The following FAT4 variants were observed in gnomAD, a reference collection of about 807,000 sequenced individuals.
FAT4 encodes FAT atypical cadherin 4.
A neutral mutation model predicts 303.9 loss-of-function variants in FAT4; 84 were observed. The ratio of observed to expected loss-of-function variants is 0.28; its 90% confidence interval spans 0.23 to 0.33. The LOEUF (loss-of-function observed/expected upper bound fraction) is 0.33, where lower values mean the gene tolerates loss of function less well. Among genes scored for constraint, FAT4 ranks in the 10% least tolerant of loss-of-function variants. The pLI, the probability that FAT4 is intolerant of heterozygous loss-of-function variation, is 1.00. For missense variants in FAT4, 6,005 were observed against 6,146.8 expected, an observed-to-expected ratio of 0.98 and a Z score of 0.77; for synonymous variants, 2,307 against 2,298.8, an observed-to-expected ratio of 1.00 and a Z score of -0.10.
Position 125,490,301 on chromosome 4 carries a change from G to A in FAT4, c.13485G>A (p.Gln4495=), listed in dbSNP as rs1177610388. ...CGGGGCATGTCTGTGTTCTGAGTCAGGGCCCTGAAGAGATCTCTCTGCCTT... is the reference window on the plus strand; with the variant it reads ...CGGGGCATGTCTGTGTTCTGAGTCAAGGCCCTGAAGAGATCTCTCTGCCTT... ...SPAGHVCVLS[Q]GPEEISLPLW... Residue 4495 remains glutamine (Q), a synonymous_variant, in exon 18 of 18, where the codon CAG becomes CAA. Coordinates refer to ENST00000394329, the MANE Select transcript of FAT4 (RefSeq NM_001291303.3). The A allele has an allele frequency of 6.2e-7, 1 of 1,614,132 alleles. No individual in the cohort carries two copies. The highest frequency in any genetic ancestry group is 1.3e-5 in the African/African-American group (1 of 75,030).
At chr4:125,468,921 G>A (rs1726766743) in intron 12 of FAT4, 102 bp downstream of exon 12, 2 of 1,224,268 alleles carry the variant, frequency 1.6e-6, no homozygotes, top group Admixed American at 2.3e-5. Context: ...TTCATTAAAT[G>A]AACACTTTAG....
intron 2 of FAT4, among the ~76,000 whole-genome samples, chr4:125,322,367 A>C (rs1472480656): frequency 6.6e-6 from 1 of 152,208 alleles, no homozygotes; most frequent in Non-Finnish European, 1.5e-5. Context: ...AGCCAAAAGA[A>C]TTCCAAGCTC....
At chr4:125,389,426 T>C (rs1436521735) in intron 2 of FAT4, among the ~76,000 whole-genome samples, 1 of 152,188 alleles carries the variant, frequency 6.6e-6, no homozygotes, top group Non-Finnish European at 1.5e-5. Flanking sequence ...ACGCATTTTC[T>C]AGTAAAATAT....
intron 2 of FAT4, among the ~76,000 whole-genome samples, chr4:125,331,916 GC>G (rs1302634588): frequency 6.6e-6 from 1 of 151,968 alleles, no homozygotes; most frequent in African/African-American, 2.4e-5. Flanking sequence ...AAGAATGCAG[GC>G]TTTTGATTTA....
Position 125,490,108 on chromosome 4 carries a change from A to C in FAT4, c.13292A>C (p.Asp4431Ala), listed in dbSNP as rs774943740. The C allele has an allele frequency of 6.2e-7, 1 of 1,613,680 alleles. No individual in the cohort carries two copies. Among genetic ancestry groups the C allele is most frequent in the Non-Finnish European group, 8.5e-7 (1 of 1,179,912 alleles). Reference protein sequence around the residue: ...WYAYRCVPPGDCASHPCQNGG... With the variant: ...WYAYRCVPPGACASHPCQNGG... ...GCCTACAGGTGTGTCCCTCCTGGGG[A>C]CTGTGCCTCCCACCCGTGCCAGAAT... The change falls in exon 18 of 18, where the codon GAC (aspartate) becomes GCC (alanine). Residue 4431 changes from aspartate (D) to alanine (A), a missense_variant. Physicochemically the swap from Asp to Ala is moderately radical, Grantham distance 126. Transcript: ENST00000394329.
chr4:125,367,105 A>G (rs1360071179), intron 2 of FAT4, among the ~76,000 whole-genome samples: 1 of 151,986 alleles, frequency 6.6e-6, no homozygotes, highest in African/African-American at 2.4e-5. Context: ...TCTTTAGTTT[A>G]GTTAGAATAT....
chr4:125,442,315 A>G (rs771497303), intron 8 of FAT4, among the ~76,000 whole-genome samples: 108 of 152,116 alleles, frequency 7.1e-4, no homozygotes, highest in Non-Finnish European at 2.2e-4. Context: ...TTTTGTAATT[A>G]CCTTTTTTTT....
intron 2 of FAT4, among the ~76,000 whole-genome samples, chr4:125,360,671 T>C (rs1732617931): frequency 6.6e-6 from 1 of 152,140 alleles, no homozygotes; most frequent in Non-Finnish European, 1.5e-5. Flanking sequence ...CTATTTGTAC[T>C]GAACAATAAT....
chr4:125,488,777 A>G (rs1727498828), intron 17 of FAT4, among the ~76,000 whole-genome samples: 2 of 152,310 alleles, frequency 1.3e-5, no homozygotes, highest in South Asian at 4.1e-4. Context: ...ATATATATTT[A>G]AGAGTGGTCA....
chr4:125,370,129 T>A (rs2125991004), intron 2 of FAT4, among the ~76,000 whole-genome samples: 1 of 152,162 alleles, frequency 6.6e-6, no homozygotes, highest in Middle Eastern at 3.4e-3. Context: ...GATTTGGAAA[T>A]AATCAAACTA....
chr4:125,347,634 A>G (rs28430363), intron 2 of FAT4, among the ~76,000 whole-genome samples: 4,462 of 151,740 alleles, frequency 0.029, 209 homozygotes, highest in African/African-American at 0.1. Flanking sequence ...ATAAATTACA[A>G]TTTGTAAGTG....
rs1730742268 is a variant in FAT4 at position 125,318,359 on chromosome 4, G to A, written c.1948G>A (p.Glu650Lys). The A allele has an allele frequency of 6.2e-7, 1 of 1,614,212 alleles. No individual in the cohort carries two copies. The highest frequency in any genetic ancestry group is 8.5e-7 in the Non-Finnish European group (1 of 1,180,038). The part of the protein sequence containing the change: ...RLSTISSLDR[E>K]EQAFYSLLVL... ...GAGTACTATTTCCTCCTTGGACAGA[G>A]AAGAGCAAGCCTTCTACTCCCTGTT... Residue 650 changes from glutamate (E) to lysine (K), a missense_variant, in exon 2 of 18, where the codon GAA becomes AAA. By Grantham distance (56) the Glu-to-Lys change is moderately conservative. Coordinates refer to ENST00000394329, the MANE Select transcript of FAT4 (RefSeq NM_001291303.3).
chr4:125,491,061 A>G lies in FAT4; in HGVS notation c.14245A>G (p.Thr4749Ala), dbSNP rs1444592743. 4 of 1,614,220 alleles carry G rather than the reference A, an allele frequency of 2.5e-6. No individual in the cohort carries two copies. The highest frequency in any genetic ancestry group is 1.7e-6 in the Non-Finnish European group (2 of 1,180,032). ...TCQPGIFNYATRLGRRSKSPQ... is the reference protein window; with the variant it reads ...TCQPGIFNYAARLGRRSKSPQ... ...CCAACCTGGCATTTTCAACTATGCC[A>G]CAAGGCTGGGAAGGAGAAGCAAGAG... The change falls in exon 18 of 18, where the codon ACA (threonine) becomes GCA (alanine). Residue 4749 changes from threonine to alanine, a missense_variant. Coordinates refer to ENST00000394329, the MANE Select transcript of FAT4 (RefSeq NM_001291303.3).
At chr4:125,343,166 T>C (rs891143598) in intron 2 of FAT4, among the ~76,000 whole-genome samples, 2 of 152,108 alleles carry the variant, frequency 1.3e-5, no homozygotes, top group African/African-American at 4.8e-5. Flanking sequence ...TTTTTTCCCA[T>C]GTAAATTGAG....
intron 2 of FAT4, among the ~76,000 whole-genome samples, chr4:125,395,493 A>C (rs886799637): frequency 1.3e-5 from 2 of 152,132 alleles, no homozygotes; most frequent in South Asian, 2.1e-4. Flanking sequence ...TATTTTCAGT[A>C]GTGATGGGGT....
At chr4:125,422,129 G>A (rs1358228320) in intron 7 of FAT4, among the ~76,000 whole-genome samples, 1 of 151,970 alleles carries the variant, frequency 6.6e-6, no homozygotes, top group South Asian at 2.1e-4. Flanking sequence ...TTCAATATTG[G>A]TATTTTGAAA....
chr4:125,387,811 T>C (rs1334114371), intron 2 of FAT4, among the ~76,000 whole-genome samples: 1 of 152,196 alleles, frequency 6.6e-6, no homozygotes, highest in Non-Finnish European at 1.5e-5. Context: ...CCAGTAATTA[T>C]TTAGAACATG....
chr4:125,466,227 T>C (rs969908500), intron 11 of FAT4, among the ~76,000 whole-genome samples: 5 of 152,174 alleles, frequency 3.3e-5, no homozygotes, highest in African/African-American at 1.2e-4. Context: ...GCGACCTTTC[T>C]GTGAAAACAG....
chr4:125,342,729 T>C (rs1731846237), intron 2 of FAT4, among the ~76,000 whole-genome samples: 1 of 151,856 alleles, frequency 6.6e-6, no homozygotes, highest in African/African-American at 2.4e-5. Context: ...TTTATTACAA[T>C]AACAATATGG....
Sources: gnomAD v4.1 joint callset for allele counts (sites outside exome capture counted in the v4.1 genomes callset) on GRCh38, gnomAD v4.1.1 for gene constraint, MANE v1.5 for transcripts, NCBI Gene and HGNC (gene_info 2026-07-23, HGNC 2026-07-21) for gene names.